ONECUT3: variants seen among roughly 807,000 people sequenced by gnomAD.
ONECUT3 encodes the protein one cut homeobox 3, also known as one cut domain family member 3.
In ONECUT3, 11 loss-of-function variants were observed where a neutral mutation model predicts 16.8. The ratio of observed to expected loss-of-function variants is 0.66; its 90% confidence interval spans 0.41 to 1.09. ONECUT3 has a LOEUF of 1.09. Ranked by LOEUF, ONECUT3 falls within the 50% of genes least tolerant of loss-of-function variation. The pLI is 0.00. For synonymous variants in ONECUT3, 344 were observed against 310.7 expected (o/e 1.11, Z -1.13); for missense variants, 637 against 629.9 (o/e 1.01, Z -0.12).
chr19:1,756,371 T>C (rs1328903019), intron 1 of ONECUT3, among the ~76,000 whole-genome samples: 1 of 151,930 alleles, frequency 6.6e-6, no homozygotes, highest in Non-Finnish European at 1.5e-5. Context: ...CTCAGGGAGG[T>C]CCGGGAACCT....
At position 1,754,780 on chromosome 19, in the gene ONECUT3, G is replaced by A; in HGVS notation, c.1118G>A (p.Arg373His). ...CCGTGGAGCAAGCTCAAATCCGGCC[G>A]CGAGACCTTCCGCAGGATGTGGAAG... ...PKPWSKLKSG[R>H]ETFRRMWKWL... The change falls in exon 1 of 2, where the codon CGC becomes CAC. Residue 373 changes from arginine to histidine, a missense_variant. Arg to His is a conservative substitution (Grantham distance 29, BLOSUM62 0). Transcript: ENST00000382349. This position sits in a 1 kb window ranked among gnomAD's most constrained non-coding sequence, Gnocchi z 7.4. 1.3e-6 allele frequency: 2 copies of A among 1,564,938 alleles called. No homozygotes were observed. Among genetic ancestry groups the A allele is most frequent in the East Asian group, 2.5e-5 (1 of 40,240 alleles).
intron 1 of ONECUT3, among the ~76,000 whole-genome samples, chr19:1,757,461 C>G (rs2067922495): frequency 6.6e-6 from 1 of 152,260 alleles, no homozygotes; most frequent in South Asian, 2.1e-4. Context: ...GTGAGCGCAG[C>G]TCCTGGCACC....
At chr19:1,768,706 T>C (rs1287493953) in intron 1 of ONECUT3, among the ~76,000 whole-genome samples, 1 of 151,776 alleles carries the variant, frequency 6.6e-6, no homozygotes, top group Non-Finnish European at 1.5e-5. Context: ...CAGGATGGGG[T>C]TCAGCAGTGT....
At chr19:1,774,913 G>C (rs2068090699) in intron 1 of ONECUT3, among the ~76,000 whole-genome samples, 1 of 151,276 alleles carries the variant, frequency 6.6e-6, no homozygotes, top group Non-Finnish European at 1.5e-5. Context: ...TGACCTTGCT[G>C]TTTCCCTGTC....
chr19:1,770,832 C>T (rs2068048044), intron 1 of ONECUT3, among the ~76,000 whole-genome samples: 1 of 152,182 alleles, frequency 6.6e-6, no homozygotes. Context: ...GTTCTTGTCT[C>T]TCCTTTCACA....
Position 1,758,936 on chromosome 19 carries a change from C to T in ONECUT3, c.1192+4082C>T, listed in dbSNP as rs948136068. On this transcript the variant is annotated intron_variant, in intron 1 of 1. Transcript: ENST00000382349. This position sits in a 1 kb window ranked among gnomAD's most constrained non-coding sequence, Gnocchi z 5.9. ...TTTGTAACTGATCAGAAAAAAAATACGTATATAGATAATACAAAGTTAGAT... is the reference window on the plus strand; with the variant it reads ...TTTGTAACTGATCAGAAAAAAAATATGTATATAGATAATACAAAGTTAGAT... Among the ~76,000 whole-genome samples, 3 of 152,162 alleles carry T rather than the reference C, an allele frequency of 2.0e-5. No homozygotes were observed. Among genetic ancestry groups the T allele is most frequent in the Admixed American group, 1.3e-4 (2 of 15,278 alleles).
At chr19:1,775,026 T>A in intron 1 of ONECUT3, 127 bp from the exon 2 acceptor site, 1 of 607,648 alleles carries the variant, frequency 1.6e-6, no homozygotes, top group Non-Finnish European at 2.8e-6. Flanking sequence ...TGCATTCGCC[T>A]TTCCCCAACG....
Position 1,766,631 on chromosome 19 carries a change from G to A in ONECUT3, c.1193-8522G>A, listed in dbSNP as rs187149667. Among the ~76,000 whole-genome samples the A allele has an allele frequency of 1.3e-3, 202 of 151,742 alleles. No individual in the cohort carries two copies. The highest frequency in any genetic ancestry group is 4.6e-3 in the African/African-American group (190 of 41,346). On this transcript the variant is annotated intron_variant, in intron 1 of 1. Coordinates refer to ENST00000382349, the MANE Select transcript of ONECUT3 (RefSeq NM_001080488.2). This position sits in a 1 kb window ranked among gnomAD's most constrained non-coding sequence, Gnocchi z 4.0. ...GAGAGGGGATGGTCCCCTCTTGGAG[G>A]GTGATGGGGGTTGACAGGTGGGCCC... is the stretch of plus-strand genomic sequence containing the variant.
intron 1 of ONECUT3, among the ~76,000 whole-genome samples, chr19:1,756,415 T>A (rs552657121): frequency 6.6e-6 from 1 of 152,328 alleles, no homozygotes; most frequent in African/African-American, 2.4e-5. Context: ...CCCCTCCCCA[T>A]GACACATACA....
intron 1 of ONECUT3, among the ~76,000 whole-genome samples, chr19:1,767,004 G>A (rs190306790): frequency 8.6e-5 from 13 of 151,794 alleles, no homozygotes; most frequent in East Asian, 3.9e-4. Flanking sequence ...TGCGGGGGGA[G>A]GGAGGGACTT....
At chr19:1,767,055 T>C (rs1482867048) in intron 1 of ONECUT3, among the ~76,000 whole-genome samples, 1 of 151,878 alleles carries the variant, frequency 6.6e-6, no homozygotes, top group Admixed American at 6.6e-5. Flanking sequence ...GAGGAATGTG[T>C]AGGAGTTCTC....
rs1205543215 is a variant in ONECUT3, at chr19:1,754,889, G to T, written c.1192+35G>T. On this transcript the variant is annotated intron_variant, in intron 1 of 1. Coordinates refer to ENST00000382349, the MANE Select transcript of ONECUT3 (RefSeq NM_001080488.2). This position sits in a 1 kb window ranked among gnomAD's most constrained non-coding sequence, Gnocchi z 7.4. ...TGGCGCGCAGGGCCAGACCCTGGGG[G>T]CGCCGGCTCTGGACTCCCGAGCACC... is the stretch of plus-strand genomic sequence containing the variant. 3.5e-5 allele frequency: 48 copies of T among 1,365,070 alleles called. No homozygotes were observed. The highest frequency in any genetic ancestry group is 4.4e-5 in the Non-Finnish European group (46 of 1,049,194). The allele number at this position is 1,365,070 out of a possible 1,614,324, so 84.6% of individuals were successfully genotyped here. A position where few individuals can be genotyped will look rare whatever the true frequency, so the allele number is the denominator to read the frequency against.
intron 1 of ONECUT3, among the ~76,000 whole-genome samples, chr19:1,774,050 G>A (rs1414173459): frequency 1.3e-5 from 2 of 152,186 alleles, no homozygotes; most frequent in Non-Finnish European, 2.9e-5. Context: ...TCATCTGGGA[G>A]AGGAAGAGGT....
intron 1 of ONECUT3, among the ~76,000 whole-genome samples, chr19:1,771,534 A>G (rs2068054915): frequency 6.6e-6 from 1 of 152,136 alleles, no homozygotes. Context: ...GCACACCCAA[A>G]GCTGCTTGGA....
intron 1 of ONECUT3, among the ~76,000 whole-genome samples, chr19:1,774,783 T>C (rs2068089450): frequency 6.6e-6 from 1 of 151,876 alleles, no homozygotes; most frequent in Admixed American, 6.6e-5. Flanking sequence ...ACTCACACTG[T>C]GTCCCCTTCT....
rs191464936 is a variant in ONECUT3, at chr19:1,764,801, G to T, written c.1192+9947G>T. 8.3e-4 allele frequency among the ~76,000 whole-genome samples: 124 copies of T among 149,946 alleles called. 1 individual carries two copies. The highest frequency in any genetic ancestry group is 2.8e-3 in the South Asian group (13 of 4,648). ...TGACTCGAGTCTGGAGAGGCCACGG[G>T]GGGGGGATGCGCAGGGGGGACAAGA... On this transcript the variant is annotated intron_variant, in intron 1 of 1. Transcript: ENST00000382349. This position sits in a 1 kb window ranked among gnomAD's most constrained non-coding sequence, Gnocchi z 5.0.
At chr19:1,756,569 G>A (rs1230022582) in intron 1 of ONECUT3, among the ~76,000 whole-genome samples, 1 of 152,054 alleles carries the variant, frequency 6.6e-6, no homozygotes, top group Non-Finnish European at 1.5e-5. Flanking sequence ...CACTCTTGTC[G>A]CCCAGGCTGT....
At chr19:1,763,672 A>G (rs575224179) in intron 1 of ONECUT3, among the ~76,000 whole-genome samples, 91 of 149,006 alleles carry the variant, frequency 6.1e-4, no homozygotes, top group Non-Finnish European at 1.1e-3. Flanking sequence ...CACAGTCTGT[A>G]TTTCTCCTTC....
chr19:1,768,130 A>C (rs2068010196), intron 1 of ONECUT3, among the ~76,000 whole-genome samples: 1 of 151,882 alleles, frequency 6.6e-6, no homozygotes, highest in African/African-American at 2.4e-5. Context: ...CCAAACCCTC[A>C]CTCAATGGGG....
Sources: gnomAD v4.1 joint callset for allele counts (sites outside exome capture counted in the v4.1 genomes callset) on GRCh38, gnomAD v4.1.1 for gene constraint, Gnocchi (gnomAD v3.1) non-coding constraint, MANE v1.5 for transcripts, NCBI Gene and HGNC (gene_info 2026-07-23, HGNC 2026-07-21) for gene names.